The following LUZP2 variants were observed in gnomAD, a reference collection of about 807,000 sequenced individuals.
The protein encoded by LUZP2 is leucine zipper protein 2.
Under a neutral mutation model 51.6 loss-of-function variants are expected in LUZP2, and 52 were observed. The observed-to-expected ratio is 1.01, with a 90% CI of 0.81 to 1.27. LUZP2 has a LOEUF of 1.27. LUZP2 is among the 50% of genes most tolerant of loss of function. LUZP2 has a pLI of 0.00. For synonymous variants in LUZP2, 154 were observed against 137.3 expected (o/e 1.12, Z -0.85); for missense variants, 436 against 395.4 (o/e 1.10, Z -0.87).
chr11:24,934,256 C>T (rs1470827119), intron 7 of LUZP2, among the ~76,000 whole-genome samples: 2 of 152,176 alleles, frequency 1.3e-5, no homozygotes, highest in Non-Finnish European at 2.9e-5. Flanking sequence ...GATGGCTTAG[C>T]TTGGGCTCGG....
intron 7 of LUZP2, among the ~76,000 whole-genome samples, chr11:24,915,406 C>A (rs1463897935): frequency 2.6e-5 from 4 of 152,064 alleles, no homozygotes; most frequent in African/African-American, 7.2e-5. Context: ...GTGTCTTCAT[C>A]AAACTATGTA....
intron 1 of LUZP2, among the ~76,000 whole-genome samples, chr11:24,558,245 G>A (rs997046195): frequency 2.6e-5 from 4 of 152,050 alleles, no homozygotes; most frequent in Admixed American, 1.3e-4. Flanking sequence ...CAACTTGCTT[G>A]GTTCTGAGGC....
intron 7 of LUZP2, among the ~76,000 whole-genome samples, chr11:24,947,548 C>G (rs1406981534): frequency 6.6e-6 from 1 of 151,576 alleles, no homozygotes; most frequent in African/African-American, 2.4e-5. Context: ...CTTTTTTTCC[C>G]CCCAAGTGTA....
At chr11:24,765,267 C>T (rs80031266) in intron 5 of LUZP2, among the ~76,000 whole-genome samples, 3 of 151,926 alleles carry the variant, frequency 2.0e-5, no homozygotes, top group South Asian at 2.1e-4. Context: ...GAAGATTTTC[C>T]GTTCAGGCAT....
chr11:24,722,791 C>A (rs1470098755), intron 1 of LUZP2, among the ~76,000 whole-genome samples: 3 of 151,808 alleles, frequency 2.0e-5, no homozygotes, highest in African/African-American at 4.8e-5. Context: ...GGGGTGCATG[C>A]CTGTAATCTC....
chr11:24,552,354 C>T (rs1343590694), intron 1 of LUZP2, among the ~76,000 whole-genome samples: 2 of 152,064 alleles, frequency 1.3e-5, no homozygotes, highest in African/African-American at 4.8e-5. Flanking sequence ...AATAGAGGAA[C>T]ACTTCCTTAA....
chr11:24,765,499 C>T (rs1224441516), intron 5 of LUZP2, among the ~76,000 whole-genome samples: 1 of 152,070 alleles, frequency 6.6e-6, no homozygotes, highest in East Asian at 1.9e-4. Flanking sequence ...GCTTTTTCTG[C>T]ATCTATTGAG....
In LUZP2 at chr11:24,855,037, A is replaced by G. The variant is rs191357338; in HGVS notation, c.397-50954A>G. On this transcript the variant is annotated intron_variant, in intron 5 of 11. Transcript: ENST00000336930. ...GAGAAATCACCCACCTCCTGTGTTA[A>G]TCTTGCTTGGAGCTATAGACTGGAG... 2.1e-3 allele frequency among the ~76,000 whole-genome samples: 325 copies of G among 152,218 alleles called. 1 individual carries two copies. The highest frequency in any genetic ancestry group is 7.6e-3 in the African/African-American group (316 of 41,552).
intron 9 of LUZP2, among the ~76,000 whole-genome samples, chr11:25,004,183 A>G (rs1051311488): frequency 2.6e-5 from 4 of 152,150 alleles, no homozygotes; most frequent in African/African-American, 7.2e-5. Context: ...GCTGACCCAG[A>G]GAAACTTTGT....
Position 24,976,624 on chromosome 11 carries a change from G to A in LUZP2, c.556G>A (p.Ala186Thr). The change falls in exon 8 of 12, where the codon GCT becomes ACT. Residue 186 changes from alanine (A) to threonine (T), a missense_variant. Coordinates refer to ENST00000336930, the MANE Select transcript of LUZP2 (RefSeq NM_001009909.4). ...QQLTDLEQKLAVAKNELEKAA... is the reference protein window; with the variant it reads ...QQLTDLEQKLTVAKNELEKAA... ...GCTTACTGATCTGGAACAAAAATTAGCTGTAGCCAAAAATGAACTGGAGAA... is the reference window on the plus strand; with the variant it reads ...GCTTACTGATCTGGAACAAAAATTAACTGTAGCCAAAAATGAACTGGAGAA... The A allele has an allele frequency of 6.3e-7, 1 of 1,582,018 alleles. No individual in the cohort carries two copies. The highest frequency in any genetic ancestry group is 8.6e-7 in the Non-Finnish European group (1 of 1,166,910).
chr11:24,815,755 T>A (rs1250279814), intron 5 of LUZP2, among the ~76,000 whole-genome samples: 2 of 152,102 alleles, frequency 1.3e-5, no homozygotes, highest in Non-Finnish European at 2.9e-5. Context: ...TTTTCAAGTA[T>A]AAAATGCTCT....
chr11:24,946,104 G>A (rs1854892082), intron 7 of LUZP2, among the ~76,000 whole-genome samples: 1 of 151,884 alleles, frequency 6.6e-6, no homozygotes, highest in Non-Finnish European at 1.5e-5. Flanking sequence ...TTCACTTAGG[G>A]TAATATTTTC....
At chr11:25,019,492 AT>A (rs1857265873) in intron 9 of LUZP2, among the ~76,000 whole-genome samples, 1 of 152,080 alleles carries the variant, frequency 6.6e-6, no homozygotes, top group Admixed American at 6.6e-5. Flanking sequence ...TTATTTATGA[AT>A]TTTTAATTAT....
rs758079400 is a variant in LUZP2, at chr11:24,735,579, T to C, written c.252-2642T>C. The stretch of plus-strand genomic sequence containing the variant: ...TGTGGCAAGTTCTTGATCTGTGATG[T>C]TATTAAAATATAAGCTGATAGTCAC... On this transcript the variant is annotated intron_variant, in intron 3 of 11. Coordinates refer to ENST00000336930, the MANE Select transcript of LUZP2 (RefSeq NM_001009909.4). Among the ~76,000 whole-genome samples, 143 of 151,950 alleles carry C rather than the reference T, an allele frequency of 9.4e-4. 1 individual carries two copies. The highest frequency in any genetic ancestry group is 1.6e-3 in the Non-Finnish European group (108 of 67,928).
chr11:24,992,163 C>T (rs1401809670), intron 9 of LUZP2, among the ~76,000 whole-genome samples: 1 of 151,982 alleles, frequency 6.6e-6, no homozygotes, highest in East Asian at 1.9e-4. Context: ...CCTGTGAGCT[C>T]CTCATAAATA....
intron 1 of LUZP2, among the ~76,000 whole-genome samples, chr11:24,527,212 T>C (rs959187118): frequency 6.6e-6 from 1 of 151,360 alleles, no homozygotes; most frequent in African/African-American, 2.4e-5. Context: ...TCTCTCAATA[T>C]GGTTTATCTT....
chr11:24,965,782 T>C (rs1012874418), intron 7 of LUZP2, among the ~76,000 whole-genome samples: 1 of 151,774 alleles, frequency 6.6e-6, no homozygotes, highest in East Asian at 1.9e-4. Flanking sequence ...TATTAGGAAA[T>C]AAAATCACAT....
intron 5 of LUZP2, among the ~76,000 whole-genome samples, chr11:24,847,714 C>T (rs529894058): frequency 5.9e-5 from 9 of 152,120 alleles, no homozygotes; most frequent in Non-Finnish European, 1.3e-4. Context: ...TTGTCTGATC[C>T]TGCTACCTCC....
intron 1 of LUZP2, among the ~76,000 whole-genome samples, chr11:24,559,889 C>A (rs1000373953): frequency 1.6e-4 from 24 of 152,076 alleles, no homozygotes; most frequent in African/African-American, 5.8e-4. Flanking sequence ...GTAGTTGTCT[C>A]CAAGACTGGT....
Sources: gnomAD v4.1 joint callset for allele counts (sites outside exome capture counted in the v4.1 genomes callset) on GRCh38, gnomAD v4.1.1 for gene constraint, MANE v1.5 for transcripts, NCBI Gene and HGNC (gene_info 2026-07-23, HGNC 2026-07-21) for gene names.